Variants in MYO5A observed in about 807,000 individuals in gnomAD.
The protein encoded by MYO5A is unconventional myosin-Va.
A neutral mutation model predicts 249.7 loss-of-function variants in MYO5A; 98 were observed. The observed-to-expected ratio is 0.39, with a 90% CI of 0.33 to 0.46. The LOEUF (loss-of-function observed/expected upper bound fraction) is 0.46. MYO5A is among the 20% of genes least tolerant of loss of function. The pLI is 0.98. For synonymous variants in MYO5A, 778 were observed against 810.6 expected, an observed-to-expected ratio of 0.96 and a Z score of 0.68; for missense variants, 1,696 against 2,308.8, an observed-to-expected ratio of 0.73 and a Z score of 5.44.
chr15:52,360,336 C>A lies in MYO5A; in HGVS notation c.3310-255G>T, dbSNP rs551547777. On this transcript the variant is annotated intron_variant, in intron 24 of 41. Transcript: ENST00000399233. ...ATGAAAACCACTTCTGATTATTAGTCGAGTCCCCTTTGGGTGTTGAAAGCT... is the reference window on the plus strand; with the variant it reads ...ATGAAAACCACTTCTGATTATTAGTAGAGTCCCCTTTGGGTGTTGAAAGCT... Among the ~76,000 whole-genome samples the A allele has an allele frequency of 4.6e-5, 7 of 152,328 alleles. 1 individual carries two copies. In the South Asian group the frequency reaches 1.5e-3, roughly 32 times the overall value.
At chr15:52,416,052 C>A in intron 5 of MYO5A, 93 bp downstream of exon 5, 1 of 1,454,568 alleles carries the variant, frequency 6.9e-7, no homozygotes, top group South Asian at 1.2e-5. Flanking sequence ...CTGGAGACCC[C>A]AGGCTTTCTG....
At chr15:52,497,028 C>G (rs1039798881) in intron 1 of MYO5A, among the ~76,000 whole-genome samples, 10 of 152,174 alleles carry the variant, frequency 6.6e-5, no homozygotes, top group Non-Finnish European at 1.2e-4. Flanking sequence ...GTGACACAAT[C>G]ACGACTCACT....
intron 4 of MYO5A, among the ~76,000 whole-genome samples, chr15:52,418,616 T>C (rs2043631750): frequency 6.6e-6 from 1 of 152,186 alleles, no homozygotes; most frequent in Non-Finnish European, 1.5e-5. Context: ...TTGACTCATA[T>C]ATATGATCAT....
chr15:52,372,508 A>C, intron 20 of MYO5A, 145 bp from the exon 21 acceptor site: 2 of 1,133,480 alleles, frequency 1.8e-6, no homozygotes, highest in East Asian at 5.1e-5. Context: ...GATTATACTT[A>C]TCACAGATAT....
Position 52,397,411 on chromosome 15 carries a change from T to G in MYO5A, c.1109A>C (p.Glu370Ala). The G allele has an allele frequency of 2.5e-6, 4 of 1,613,974 alleles. No homozygotes were observed. The highest frequency in any genetic ancestry group is 3.4e-6 in the Non-Finnish European group (4 of 1,179,876). ...CCGATGGCAGAGCCAGTGACACATC[T>G]CCTCATAGTCCACACCCATGAGTTC... ...FCELMGVDYEEMCHWLCHRKL... is the reference protein window; with the variant it reads ...FCELMGVDYEAMCHWLCHRKL... The change falls in exon 10 of 42, where the codon GAG (glutamate) becomes GCG (alanine). Residue 370 changes from glutamate to alanine, a missense_variant. This residue lies in a region of MYO5A where 185 missense variants were observed against 204.8 expected (regional missense o/e 0.90). Transcript: ENST00000399233.
At position 52,528,536 on chromosome 15, in the gene MYO5A, G is replaced by T. The variant is rs1343967610; in HGVS notation, c.27+244C>A. Among the ~76,000 whole-genome samples the T allele has an allele frequency of 2.0e-5, 3 of 152,248 alleles. No homozygotes were observed. In the East Asian group the frequency reaches 5.8e-4, roughly 29 times the overall value. On this transcript the variant is annotated intron_variant, in intron 1 of 41. Coordinates refer to ENST00000399233, the MANE Select transcript of MYO5A (RefSeq NM_001382347.1). ...GCCCGCTCTGCCCCCAGCTCGAGCA[G>T]CGCGGCAGGGGCCTGGGAGACCCCC...
chr15:52,315,674 T>G (rs1297502361), intron 40 of MYO5A, among the ~76,000 whole-genome samples: 1 of 151,060 alleles, frequency 6.6e-6, no homozygotes, highest in African/African-American at 2.4e-5. Context: ...ACGCCTGGCC[T>G]ACTGATTTTT....
At position 52,506,872 on chromosome 15, in the gene MYO5A, C is replaced by T. The variant is rs115799579; in HGVS notation, c.27+21908G>A. ...AGAATTCAGATTCTGTCTTTCTGCT[C>T]TACCTTCTTAGCTTGTTAACTTTTC... On this transcript the variant is annotated intron_variant, in intron 1 of 41. Coordinates refer to ENST00000399233, the MANE Select transcript of MYO5A (RefSeq NM_001382347.1). 1.2e-3 allele frequency among the ~76,000 whole-genome samples: 176 copies of T among 152,288 alleles called. 1 individual carries two copies. The highest frequency in any genetic ancestry group is 4.1e-3 in the African/African-American group (172 of 41,566).
intron 1 of MYO5A, among the ~76,000 whole-genome samples, chr15:52,456,045 T>C (rs958885360): frequency 1.3e-5 from 2 of 152,112 alleles, no homozygotes; most frequent in Non-Finnish European, 2.9e-5. Context: ...TGACATGATC[T>C]TATTATTTAG....
At chr15:52,523,787 T>C (rs1387079489) in intron 1 of MYO5A, among the ~76,000 whole-genome samples, 1 of 152,056 alleles carries the variant, frequency 6.6e-6, no homozygotes, top group Admixed American at 6.5e-5. Flanking sequence ...CAGGAGGAAA[T>C]TCAAATGGAA....
rs146559905 is a variant in MYO5A, at chr15:52,342,495, G to A, written c.4040+622C>T. On this transcript the variant is annotated intron_variant, in intron 31 of 41. Transcript: ENST00000399233. ...CCAATAGTTTGTGCCCTAATTGAAA[G>A]ATTATGTTTTTCTTTTAACTCCTGG... is the stretch of plus-strand genomic sequence containing the variant. Among the ~76,000 whole-genome samples the A allele has an allele frequency of 5.9e-5, 9 of 152,306 alleles. No individual in the cohort carries two copies. In the East Asian group the frequency reaches 1.7e-3, roughly 29 times the overall value.
chr15:52,517,346 C>T (rs1310784469), intron 1 of MYO5A, among the ~76,000 whole-genome samples: 1 of 152,170 alleles, frequency 6.6e-6, no homozygotes, highest in East Asian at 1.9e-4. Flanking sequence ...GCAGTAAATA[C>T]ATTTTGGTAT....
intron 1 of MYO5A, among the ~76,000 whole-genome samples, chr15:52,472,025 G>A (rs1441733547): frequency 6.6e-6 from 1 of 151,870 alleles, no homozygotes; most frequent in East Asian, 1.9e-4. Context: ...ATGGCATCTG[G>A]CAACTCCTCT....
chr15:52,454,103 T>C (rs1328910470), intron 1 of MYO5A, among the ~76,000 whole-genome samples: 1 of 152,112 alleles, frequency 6.6e-6, no homozygotes, highest in South Asian at 2.1e-4. Flanking sequence ...GTCAACTATC[T>C]GTTGTCCCTA....
At chr15:52,313,993 C>T (rs1042426299) in intron 41 of MYO5A, 130 bp downstream of exon 41, 4 of 1,312,826 alleles carry the variant, frequency 3.0e-6, no homozygotes, top group African/African-American at 1.5e-5. Context: ...TCCCAATTAA[C>T]TATTATCAAA....
intron 1 of MYO5A, among the ~76,000 whole-genome samples, chr15:52,462,017 A>G (rs983417711): frequency 6.6e-6 from 1 of 151,530 alleles, no homozygotes; most frequent in African/African-American, 2.4e-5. Context: ...TAATCCCAGC[A>G]CTTTGGGAGG....
At chr15:52,499,935 T>C (rs1254069319) in intron 1 of MYO5A, among the ~76,000 whole-genome samples, 1 of 152,132 alleles carries the variant, frequency 6.6e-6, no homozygotes, top group Non-Finnish European at 1.5e-5. Context: ...GTAACCCCAG[T>C]GCTTTGGGAG....
At chr15:52,486,734 T>C (rs1424451635) in intron 1 of MYO5A, among the ~76,000 whole-genome samples, 1 of 152,164 alleles carries the variant, frequency 6.6e-6, no homozygotes, top group Non-Finnish European at 1.5e-5. Context: ...TTACACTTTC[T>C]CCTTTGTTGC....
At chr15:52,491,091 T>G (rs568100428) in intron 1 of MYO5A, among the ~76,000 whole-genome samples, 216 of 152,298 alleles carry the variant, frequency 1.4e-3, no homozygotes, top group African/African-American at 5.0e-3. Context: ...GATGGTTAAC[T>G]TACGTTATGT....
Sources: allele counts gnomAD v4.1 joint callset (sites outside exome capture counted in the v4.1 genomes callset), GRCh38; gene constraint gnomAD v4.1.1; regional missense constraint gnomAD v4.1.1; transcripts MANE v1.5; gene names NCBI Gene and HGNC (gene_info 2026-07-23, HGNC 2026-07-21).